The following SGCZ variants were observed in gnomAD, a reference collection of about 807,000 sequenced individuals.
The protein encoded by SGCZ is zeta-sarcoglycan.
Under a neutral mutation model 41.3 loss-of-function variants are expected in SGCZ, and 40 were observed. That is an observed-to-expected ratio of 0.97 (90% CI 0.75 to 1.26). SGCZ has a LOEUF of 1.26. Ranked by LOEUF, SGCZ falls within the 50% of genes most tolerant of loss-of-function variation. SGCZ has a pLI of 0.00. For synonymous variants in SGCZ, 206 were observed against 137.5 expected (o/e 1.50, Z -3.49); for missense variants, 552 against 369.8 (o/e 1.49, Z -4.04).
chr8:14,414,929 T>C (rs1345694833), intron 2 of SGCZ, among the ~76,000 whole-genome samples: 6 of 152,024 alleles, frequency 3.9e-5, no homozygotes, highest in Non-Finnish European at 7.4e-5. Context: ...GATTAGATAC[T>C]TAAAATTAGG....
At chr8:14,151,517 A>C (rs973874065) in intron 5 of SGCZ, among the ~76,000 whole-genome samples, 1 of 152,112 alleles carries the variant, frequency 6.6e-6, no homozygotes, top group Non-Finnish European at 1.5e-5. Flanking sequence ...AATTCTCCTA[A>C]AATTTTTACA....
chr8:15,076,595 C>G (rs926211693), intron 1 of SGCZ, among the ~76,000 whole-genome samples: 1 of 152,098 alleles, frequency 6.6e-6, no homozygotes, highest in Admixed American at 6.5e-5. Context: ...ACATCGGACT[C>G]TAGGATTTGG....
chr8:14,823,293 C>T (rs777887277), intron 1 of SGCZ, among the ~76,000 whole-genome samples: 8 of 151,706 alleles, frequency 5.3e-5, no homozygotes, highest in East Asian at 1.9e-4. Flanking sequence ...AGTGATGAGA[C>T]GACATACAAA....
At chr8:14,274,812 A>AAATCATAATATAGGTCTCAT (rs1463310067) in intron 3 of SGCZ, among the ~76,000 whole-genome samples, 4 of 152,088 alleles carry the variant, frequency 2.6e-5, no homozygotes, top group African/African-American at 9.7e-5. Flanking sequence ...AAAATTATTA[A>AAATCATAATATAGGTCTCAT]AATCATAATA....
At chr8:14,610,359 T>C (rs181172697) in intron 1 of SGCZ, among the ~76,000 whole-genome samples, 3 of 152,146 alleles carry the variant, frequency 2.0e-5, no homozygotes, top group African/African-American at 7.2e-5. Context: ...TGATGGAGAG[T>C]CAGAACTGAG....
intron 1 of SGCZ, among the ~76,000 whole-genome samples, chr8:15,030,421 C>A (rs1803618776): frequency 6.6e-6 from 1 of 151,964 alleles, no homozygotes; most frequent in African/African-American, 2.4e-5. Context: ...ATAATGTTAA[C>A]CTCATGGTAA....
chr8:14,571,293 G>C (rs1332968431), intron 1 of SGCZ, among the ~76,000 whole-genome samples: 1 of 152,300 alleles, frequency 6.6e-6, no homozygotes, highest in East Asian at 1.9e-4. Context: ...CGGCACAAGA[G>C]GAGTACAGTT....
At chr8:15,039,124 C>A (rs992705508) in intron 1 of SGCZ, among the ~76,000 whole-genome samples, 1 of 151,998 alleles carries the variant, frequency 6.6e-6, no homozygotes, top group Admixed American at 6.6e-5. Context: ...AACTCACTAC[C>A]GGTATATAGC....
At chr8:15,013,113 G>A (rs10283038) in intron 1 of SGCZ, among the ~76,000 whole-genome samples, 40,814 of 151,972 alleles carry the variant, frequency 0.27, 5,570 homozygotes, top group East Asian at 0.37. Context: ...GAAAATGCAT[G>A]CATCACAGGG....
At chr8:14,179,163 C>G (rs1399646121) in intron 4 of SGCZ, among the ~76,000 whole-genome samples, 5 of 152,188 alleles carry the variant, frequency 3.3e-5, no homozygotes, top group Admixed American at 3.3e-4. Flanking sequence ...TACAAATTGT[C>G]AGGTCAGCCC....
intron 1 of SGCZ, among the ~76,000 whole-genome samples, chr8:15,002,137 A>C (rs1802447757): frequency 6.6e-6 from 1 of 152,140 alleles, no homozygotes; most frequent in South Asian, 2.1e-4. Context: ...AAGCCACAGA[A>C]CAGCAGCATA....
intron 1 of SGCZ, among the ~76,000 whole-genome samples, chr8:14,996,092 A>G (rs1802207525): frequency 6.6e-6 from 1 of 151,922 alleles, no homozygotes. Flanking sequence ...TTTAGTAGAG[A>G]CGGGGTTTCA....
chr8:14,486,891 T>C (rs182419969), intron 2 of SGCZ, among the ~76,000 whole-genome samples: 1 of 152,320 alleles, frequency 6.6e-6, no homozygotes, highest in African/African-American at 2.4e-5. Context: ...TTAGCATACA[T>C]CTCTCATGGA....
chr8:14,850,763 C>G (rs146324804), intron 1 of SGCZ, among the ~76,000 whole-genome samples: 1 of 152,030 alleles, frequency 6.6e-6, no homozygotes, highest in Non-Finnish European at 1.5e-5. Flanking sequence ...GTTTCCCCAC[C>G]GCTGTTCTCA....
intron 1 of SGCZ, among the ~76,000 whole-genome samples, chr8:14,668,248 C>T (rs1807980971): frequency 6.6e-6 from 1 of 152,220 alleles, no homozygotes; most frequent in Non-Finnish European, 1.5e-5. Context: ...GCGTGAGCCA[C>T]CGCCCCCAGC....
chr8:15,169,282 G>A lies in SGCZ; in HGVS notation c.39+68303C>T, dbSNP rs144801729. 7.3e-4 allele frequency among the ~76,000 whole-genome samples: 111 copies of A among 152,258 alleles called. No homozygotes were observed. The East Asian group carries it at 0.02, about 27-fold the overall frequency. Reference sequence around the variant, plus strand: ...GGGGAAATGAGACAGCCAGGGAGGAGGGTGTCCTCAGAGAAACTCCAACAG... The same window carrying A: ...GGGGAAATGAGACAGCCAGGGAGGAAGGTGTCCTCAGAGAAACTCCAACAG... On this transcript the variant is annotated intron_variant, in intron 1 of 7. Transcript: ENST00000382080.
intron 1 of SGCZ, among the ~76,000 whole-genome samples, chr8:15,134,846 G>T (rs1050195288): frequency 5.7e-4 from 86 of 152,012 alleles, no homozygotes; most frequent in African/African-American, 1.8e-3. Context: ...GCTTTTTTTT[G>T]ATCATTACGG....
chr8:15,111,576 C>T (rs1807056343), intron 1 of SGCZ, among the ~76,000 whole-genome samples: 1 of 152,138 alleles, frequency 6.6e-6, no homozygotes, highest in Non-Finnish European at 1.5e-5. Context: ...GGGCCGCTCC[C>T]ACCCTGTGGA....
chr8:14,229,369 T>C (rs1806482632), intron 4 of SGCZ, among the ~76,000 whole-genome samples: 2 of 152,086 alleles, frequency 1.3e-5, no homozygotes, highest in Admixed American at 1.3e-4. Flanking sequence ...TTACAAAGAC[T>C]GAGAGCTCTA....
Sources: gnomAD v4.1 joint callset for allele counts (sites outside exome capture counted in the v4.1 genomes callset) on GRCh38, gnomAD v4.1.1 for gene constraint, MANE v1.5 for transcripts, NCBI Gene and HGNC (gene_info 2026-07-23, HGNC 2026-07-21) for gene names.